Variants in ANK3 observed in about 807,000 individuals in gnomAD.
The protein encoded by ANK3 is ankyrin-3.
Under a neutral mutation model 370.9 loss-of-function variants are expected in ANK3, and 57 were observed. The observed-to-expected ratio is 0.15, with a 90% CI of 0.12 to 0.19. ANK3 has a LOEUF of 0.19. Ranked by LOEUF, ANK3 falls within the 10% of genes least tolerant of loss-of-function variation. The pLI is 1.00. For missense variants in ANK3, 4,439 were observed against 5,302.1 expected, an observed-to-expected ratio of 0.84 and a Z score of 5.06; for synonymous variants, 1,929 against 1,946.3, an observed-to-expected ratio of 0.99 and a Z score of 0.23.
Position 60,063,161 on chromosome 10 carries a change from C to T in ANK3, c.12545G>A (p.Gly4182Asp). Residue 4182 changes from glycine (G) to aspartate (D), a missense_variant, in exon 40 of 44, where the codon GGC (glycine) becomes GAC (aspartate). Around this residue, in one of 13 missense-constraint regions of ANK3, gnomAD observed 99 missense variants for 150.7 expected, o/e 0.66. Transcript: ENST00000280772. ...GTTCTCATCTGCAAAACTTCTGGTG[C>T]CTGAAATATTTCCATAATCAAATAT... ...GPIFDYGNIS[G>D]TRSFADENNV... 1 of 1,613,432 alleles carries T rather than the reference C, an allele frequency of 6.2e-7. No homozygotes were observed. Among genetic ancestry groups the T allele is most frequent in the Non-Finnish European group, 8.5e-7 (1 of 1,179,766 alleles).
intron 2 of ANK3, among the ~76,000 whole-genome samples, chr10:60,528,291 C>A (rs555645618): frequency 6.6e-6 from 1 of 151,948 alleles, no homozygotes; most frequent in East Asian, 1.9e-4. Context: ...CATACACCAC[C>A]ATACCTGGCT....
intron 39 of ANK3, among the ~76,000 whole-genome samples, chr10:60,063,721 AC>A (rs1488898460): frequency 6.6e-6 from 1 of 152,144 alleles, no homozygotes; most frequent in Non-Finnish European, 1.5e-5. Flanking sequence ...ACAAAACCAA[AC>A]CCAACAACAG....
Position 60,029,177 on chromosome 10 carries a change from T to C in ANK3, c.*669A>G, listed in dbSNP as rs1214915100. 3.3e-5 allele frequency: 5 copies of C among 152,348 alleles called. No individual in the cohort carries two copies. Among genetic ancestry groups the C allele is most frequent in the Admixed American group, 2.0e-4 (3 of 15,282 alleles). The allele number at this position is 152,348 out of a possible 1,614,324, so 9.4% of individuals were successfully genotyped here. ...TATACAAACATTATAATTGCTAATA[T>C]ACAAGAATCAGTGAAGAGTCACCCC... On this transcript the variant is annotated 3_prime_UTR_variant, in exon 44 of 44. Coordinates refer to ENST00000280772, the MANE Select transcript of ANK3 (RefSeq NM_020987.5).
At chr10:60,187,800 C>T (rs1335027008) in intron 16 of ANK3, among the ~76,000 whole-genome samples, 7 of 152,114 alleles carry the variant, frequency 4.6e-5, no homozygotes, top group Non-Finnish European at 7.4e-5. Context: ...TCCTGCATGT[C>T]CCCCAAACAG....
intron 12 of ANK3, 70 bp from the exon 13 acceptor site, chr10:60,200,297 A>G: frequency 8.1e-7 from 1 of 1,235,616 alleles, no homozygotes; most frequent in Non-Finnish European, 1.2e-6. Flanking sequence ...TTTGGCATAA[A>G]GCTTATGATG....
chr10:60,198,167 A>G (rs1446283707), intron 14 of ANK3, among the ~76,000 whole-genome samples, 173 bp downstream of exon 14: 1 of 152,192 alleles, frequency 6.6e-6, no homozygotes, highest in African/African-American at 2.4e-5. Flanking sequence ...CCCCCACAAA[A>G]TACTACCAGT....
intron 1 of ANK3, among the ~76,000 whole-genome samples, chr10:60,311,296 A>G (rs1396289697): frequency 1.3e-5 from 2 of 152,196 alleles, no homozygotes; most frequent in African/African-American, 4.8e-5. Flanking sequence ...CTAGCCATCA[A>G]GAAAGGGCTG....
At chr10:60,644,938 A>G (rs934374454) in intron 1 of ANK3, among the ~76,000 whole-genome samples, 1 of 144,860 alleles carries the variant, frequency 6.9e-6, no homozygotes, top group Non-Finnish European at 1.5e-5. Flanking sequence ...CTGATGTTCA[A>G]ATTTAAACAT....
intron 2 of ANK3, among the ~76,000 whole-genome samples, chr10:60,475,772 C>T (rs1037798118): frequency 1.3e-5 from 2 of 152,074 alleles, no homozygotes; most frequent in African/African-American, 4.8e-5. Flanking sequence ...AGACTCTGGC[C>T]ATATCCCACC....
chr10:60,118,091 G>C (rs942962818), intron 25 of ANK3, among the ~76,000 whole-genome samples: 4 of 152,268 alleles, frequency 2.6e-5, no homozygotes, highest in Admixed American at 2.0e-4. Context: ...CATCATACGA[G>C]TTATCAAAAA....
chr10:60,633,500 A>C (rs1201208518), intron 1 of ANK3, among the ~76,000 whole-genome samples: 1 of 152,210 alleles, frequency 6.6e-6, no homozygotes, highest in Admixed American at 6.5e-5. Context: ...TTCCTAGAGA[A>C]TATCAAAGCA....
intron 2 of ANK3, among the ~76,000 whole-genome samples, chr10:60,511,654 T>G (rs1260351389): frequency 6.6e-6 from 1 of 152,136 alleles, no homozygotes; most frequent in Non-Finnish European, 1.5e-5. Flanking sequence ...TCCAGCCTCT[T>G]ATGACACACA....
chr10:60,456,655 C>T (rs548816796), intron 2 of ANK3, among the ~76,000 whole-genome samples: 1 of 152,210 alleles, frequency 6.6e-6, no homozygotes, highest in African/African-American at 2.4e-5. Context: ...AGGATGGTCC[C>T]ATAGCAGGCT....
chr10:60,303,084 A>G (rs755382271), intron 1 of ANK3, among the ~76,000 whole-genome samples: 21 of 152,242 alleles, frequency 1.4e-4, no homozygotes, highest in South Asian at 2.1e-4. Flanking sequence ...CTTAAATGTA[A>G]GACCCCAAAC....
chr10:60,168,999 T>C (rs2095701844), intron 21 of ANK3, among the ~76,000 whole-genome samples: 1 of 152,230 alleles, frequency 6.6e-6, no homozygotes, highest in South Asian at 2.1e-4. Flanking sequence ...AGTGCTGCAA[T>C]GAACATACAC....
At chr10:60,081,940 T>A in intron 35 of ANK3, 1 of 409,784 alleles carries the variant, frequency 2.4e-6, no homozygotes, top group Non-Finnish European at 4.3e-6. Flanking sequence ...ATCAGCTGAA[T>A]TATAATTTCG....
rs2095806482 is a variant in ANK3 at position 60,172,087 on chromosome 10, G to T, written c.2478+221C>A. Reference sequence around the variant, plus strand: ...TGTATATGGAAGTAAAAACTCTATAGCTACAGATGCATCTTTTAAATAGGT... The same window carrying T: ...TGTATATGGAAGTAAAAACTCTATATCTACAGATGCATCTTTTAAATAGGT... On this transcript the variant is annotated intron_variant, in intron 21 of 43. Transcript: ENST00000280772. Among the ~76,000 whole-genome samples, 3 of 152,142 alleles carry T rather than the reference G, an allele frequency of 2.0e-5. 1 individual carries two copies. Among genetic ancestry groups the T allele is most frequent in the South Asian group, 4.1e-4 (2 of 4,830 alleles).
At chr10:60,057,758 AATG>A (rs1283741026) in intron 41 of ANK3, among the ~76,000 whole-genome samples, 2 of 152,302 alleles carry the variant, frequency 1.3e-5, no homozygotes, top group Non-Finnish European at 2.9e-5. Flanking sequence ...GCGGTTTAAT[AATG>A]ATGAACACCT....
At chr10:60,057,747 A>G (rs1353203974) in intron 41 of ANK3, among the ~76,000 whole-genome samples, 1 of 152,198 alleles carries the variant, frequency 6.6e-6, no homozygotes, top group Non-Finnish European at 1.5e-5. Context: ...AAGGAATTTC[A>G]GCGGTTTAAT....
Sources: allele counts gnomAD v4.1 joint callset (sites outside exome capture counted in the v4.1 genomes callset), GRCh38; gene constraint gnomAD v4.1.1; regional missense constraint gnomAD v4.1.1; transcripts MANE v1.5; gene names NCBI Gene and HGNC (gene_info 2026-07-23, HGNC 2026-07-21).